Variants in MAGI3 observed in about 807,000 individuals in gnomAD.
The protein encoded by MAGI3 is membrane associated guanylate kinase, WW and PDZ domain containing 3, also known as membrane-associated guanylate kinase, WW and PDZ domain-containing protein 3.
MAGI3 carries 43 observed loss-of-function variants against 121.8 expected under a neutral mutation model. The ratio of observed to expected loss-of-function variants is 0.35; its 90% CI spans 0.28 to 0.46. The LOEUF is 0.46. Among genes scored for constraint, MAGI3 ranks in the 20% least tolerant of loss-of-function variants. The pLI, the probability that MAGI3 is intolerant of heterozygous loss-of-function variation, is 1.00. For synonymous variants in MAGI3, 553 were observed against 639.3 expected (o/e 0.86, Z 2.04); for missense variants, 1,547 against 1,797.3 (o/e 0.86, Z 2.52).
intron 1 of MAGI3, among the ~76,000 whole-genome samples, chr1:113,445,324 A>G (rs1480242149): frequency 6.6e-6 from 1 of 152,184 alleles, no homozygotes; most frequent in Non-Finnish European, 1.5e-5. Context: ...TTTGACAGCC[A>G]GGTGTGGTGG....
intron 1 of MAGI3, among the ~76,000 whole-genome samples, chr1:113,522,684 A>G (rs187144375): frequency 2.0e-5 from 3 of 152,294 alleles, no homozygotes; most frequent in Admixed American, 1.3e-4. Context: ...AAAAATTCAA[A>G]CCTTCAAAAA....
intron 6 of MAGI3, among the ~76,000 whole-genome samples, chr1:113,611,874 C>T (rs1457843181): frequency 6.6e-6 from 1 of 152,114 alleles, no homozygotes. Flanking sequence ...AAATACCAAG[C>T]ATTCTTAATA....
intron 1 of MAGI3, among the ~76,000 whole-genome samples, chr1:113,423,767 A>G (rs1485531296): frequency 2.0e-5 from 3 of 152,036 alleles, no homozygotes; most frequent in Non-Finnish European, 4.4e-5. Context: ...CTTGAAGGTG[A>G]GGTTTCACCA....
At chr1:113,451,765 A>G (rs1419610937) in intron 1 of MAGI3, among the ~76,000 whole-genome samples, 1 of 152,208 alleles carries the variant, frequency 6.6e-6, no homozygotes, top group Non-Finnish European at 1.5e-5. Context: ...TTATTCTGCA[A>G]CATTGTCTTT....
At chr1:113,417,839 A>T (rs1302744381) in intron 1 of MAGI3, among the ~76,000 whole-genome samples, 1 of 152,182 alleles carries the variant, frequency 6.6e-6, no homozygotes, top group Non-Finnish European at 1.5e-5. Context: ...TTGGCATAGT[A>T]GGTAATAGAT....
At chr1:113,642,807 C>T (rs1014088048) in intron 10 of MAGI3, among the ~76,000 whole-genome samples, 1 of 152,202 alleles carries the variant, frequency 6.6e-6, no homozygotes, top group African/African-American at 2.4e-5. Flanking sequence ...CATTGTGATA[C>T]TTCAAATGAA....
chr1:113,416,084 T>G (rs1334213854), intron 1 of MAGI3, among the ~76,000 whole-genome samples: 2 of 136,354 alleles, frequency 1.5e-5, no homozygotes, highest in African/African-American at 2.7e-5. Flanking sequence ...TAATGACACA[T>G]ATTAATTATG....
rs140343540 is a variant in MAGI3 at position 113,475,215 on chromosome 1, C to T, written c.317-74300C>T. ...CAATTTAACTTCCTCATTTCTGAAC[C>T]GAATACCCTTTATTTCTTTCTCTTG... On this transcript the variant is annotated intron_variant, in intron 1 of 20. Coordinates refer to ENST00000307546, the MANE Select transcript of MAGI3 (RefSeq NM_001142782.2). Among the ~76,000 whole-genome samples, 66 of 152,138 alleles carry T rather than the reference C, an allele frequency of 4.3e-4. 1 individual carries two copies. In the East Asian group the frequency reaches 9.8e-3, roughly 23 times the overall value.
chr1:113,680,689 G>A (rs893574429), intron 19 of MAGI3, among the ~76,000 whole-genome samples: 10 of 152,026 alleles, frequency 6.6e-5, no homozygotes, highest in African/African-American at 1.7e-4. Flanking sequence ...CCCAGGAGGC[G>A]GAGCTTGCAG....
At chr1:113,552,023 A>G (rs4259646) in intron 2 of MAGI3, among the ~76,000 whole-genome samples, 80,380 of 151,870 alleles carry the variant, frequency 0.53, 23,731 homozygotes, top group East Asian at 0.75. Context: ...TAATCAGTAA[A>G]TGTATCCCAC....
intron 1 of MAGI3, among the ~76,000 whole-genome samples, chr1:113,407,499 A>G (rs1651748701): frequency 6.6e-6 from 1 of 152,038 alleles, no homozygotes; most frequent in Non-Finnish European, 1.5e-5. Context: ...ATCTACCACC[A>G]AGATTATTTT....
Position 113,658,693 on chromosome 1 carries a change from C to G in MAGI3, c.2630-387C>G, listed in dbSNP as rs1221897821. On this transcript the variant is annotated intron_variant, in intron 15 of 20. Transcript: ENST00000307546. This position sits in a 1 kb window ranked among gnomAD's most constrained non-coding sequence, Gnocchi z 4.0. ...CTTATCGTAGCAGTTTTTAAAATAG[C>G]TAAAAACTTGTTGCAGCTTAAATGG... Among the ~76,000 whole-genome samples the G allele has an allele frequency of 6.6e-6, 1 of 152,116 alleles. No homozygotes were observed. The highest frequency in any genetic ancestry group is 2.4e-5 in the African/African-American group (1 of 41,404).
intron 16 of MAGI3, 65 bp from the exon 17 acceptor site, chr1:113,671,669 G>A: frequency 1.3e-6 from 2 of 1,485,436 alleles, no homozygotes; most frequent in Non-Finnish European, 1.9e-6. Context: ...CACCTTCACA[G>A]ATCCGCTTGG....
chr1:113,655,458 T>C (rs1653416549), intron 15 of MAGI3, among the ~76,000 whole-genome samples: 1 of 151,754 alleles, frequency 6.6e-6, no homozygotes, highest in South Asian at 2.1e-4. Flanking sequence ...TATTTAAGCA[T>C]ATTTTTACAT....
At chr1:113,618,179 T>A (rs1022426789) in intron 7 of MAGI3, among the ~76,000 whole-genome samples, 3 of 147,546 alleles carry the variant, frequency 2.0e-5, no homozygotes, top group African/African-American at 7.9e-5. Context: ...AAAAAAAAAT[T>A]TTTTTTAATT....
At chr1:113,442,540 C>T (rs1305744802) in intron 1 of MAGI3, among the ~76,000 whole-genome samples, 2 of 151,418 alleles carry the variant, frequency 1.3e-5, no homozygotes, top group Non-Finnish European at 2.9e-5. Flanking sequence ...TCTTCATTCT[C>T]AAAAATATAT....
intron 1 of MAGI3, among the ~76,000 whole-genome samples, chr1:113,546,962 A>C (rs546766134): frequency 6.6e-5 from 10 of 152,054 alleles, no homozygotes; most frequent in Admixed American, 2.0e-4. Context: ...GGGCGCCTGT[A>C]GTCCCAACTA....
In MAGI3 at chr1:113,672,657, T is replaced by C. The variant is rs1647628801; in HGVS notation, c.2961T>C (p.Ser987=). ...EGEIGKDVST[S]YRHSWSDHKH... ...AAATTGGAAAAGATGTCTCCACTTC[T>C]TACAGACATTCTTGGTCAGACCACA... The change falls in exon 18 of 21, where the codon TCT becomes TCC. Residue 987 remains serine, a synonymous_variant. Transcript: ENST00000307546. The C allele has an allele frequency of 5.6e-6, 9 of 1,613,946 alleles. No individual in the cohort carries two copies. The highest frequency in any genetic ancestry group is 7.6e-6 in the Non-Finnish European group (9 of 1,179,890).
chr1:113,446,624 G>T (rs1654191426), intron 1 of MAGI3, among the ~76,000 whole-genome samples: 1 of 151,624 alleles, frequency 6.6e-6, no homozygotes, highest in Admixed American at 6.6e-5. Context: ...CTTATATCCT[G>T]TCTACAGGAG....
Sources: gnomAD v4.1 joint callset for allele counts (sites outside exome capture counted in the v4.1 genomes callset) on GRCh38, gnomAD v4.1.1 for gene constraint, Gnocchi (gnomAD v3.1) non-coding constraint, MANE v1.5 for transcripts, NCBI Gene and HGNC (gene_info 2026-07-23, HGNC 2026-07-21) for gene names.